MPP7: variants seen among roughly 807,000 people sequenced by gnomAD.
MPP7 encodes the protein MAGUK p55 scaffold protein 7, also known as MAGUK p55 subfamily member 7.
In MPP7, 60 loss-of-function variants were observed where a neutral mutation model predicts 76.5. The observed-to-expected ratio is 0.78, with a 90% CI of 0.64 to 0.97. MPP7 has a LOEUF of 0.97. Among genes scored for constraint, MPP7 ranks in the 50% least tolerant of loss-of-function variants. MPP7 has a pLI of 0.00. For missense variants in MPP7, 641 were observed against 694.0 expected (o/e 0.92, Z 0.86); for synonymous variants, 237 against 244.5 (o/e 0.97, Z 0.29).
chr10:28,112,873 A>G (rs1834547668), intron 11 of MPP7, among the ~76,000 whole-genome samples: 1 of 152,120 alleles, frequency 6.6e-6, no homozygotes, highest in Admixed American at 6.6e-5. Flanking sequence ...AATTCTCATA[A>G]TTTTATGTTG....
intron 1 of MPP7, among the ~76,000 whole-genome samples, chr10:28,247,345 T>C (rs1208435313): frequency 3.3e-5 from 5 of 152,206 alleles, no homozygotes; most frequent in African/African-American, 7.2e-5. Context: ...CGTTTGTAAA[T>C]AATTATGTCA....
At chr10:28,289,455 C>T (rs1003380715) in intron 1 of MPP7, 2 of 152,342 alleles carry the variant, frequency 1.3e-5, no homozygotes, top group East Asian at 1.9e-4. Context: ...GCCTTTTTAA[C>T]AGACTGGTAA....
chr10:28,304,966 T>C (rs1370776967), upstream of MPP7, among the ~76,000 whole-genome samples: 1 of 151,650 alleles, frequency 6.6e-6, no homozygotes, highest in South Asian at 2.1e-4. Context: ...AGATGGACAA[T>C]GATCCAATAA....
intron 13 of MPP7, among the ~76,000 whole-genome samples, chr10:28,067,666 G>A (rs965501455): frequency 1.3e-4 from 20 of 152,238 alleles, no homozygotes; most frequent in Admixed American, 4.6e-4. Flanking sequence ...GGTAAATTGA[G>A]GCTAAAGTAT....
In MPP7 at chr10:28,052,536, A is replaced by G. The variant is rs979004881; in HGVS notation, c.*1529T>C. On this transcript the variant is annotated 3_prime_UTR_variant, in exon 17 of 17. Transcript: ENST00000683449. ...TAATGCTATCAAATGTGCAGTGCAC[A>G]GATCGCACACTTGGATCTATCTTTG... 1.3e-5 allele frequency: 2 copies of G among 152,680 alleles called. No individual in the cohort carries two copies. The highest frequency in any genetic ancestry group is 2.9e-5 in the Non-Finnish European group (2 of 68,038). 9.5% of individuals were successfully genotyped at this position (152,680 alleles called of 1,614,324 possible).
intron 2 of MPP7, among the ~76,000 whole-genome samples, chr10:28,215,987 A>T (rs1838295883): frequency 6.7e-6 from 1 of 148,392 alleles, no homozygotes; most frequent in African/African-American, 2.4e-5. Context: ...AATAGGCAAT[A>T]AAGACAGGCA....
At chr10:28,297,821 A>C (rs1589038885) in intron 1 of MPP7, among the ~76,000 whole-genome samples, 2 of 152,216 alleles carry the variant, frequency 1.3e-5, no homozygotes. Context: ...ATCCTATCAT[A>C]CCCTGCCACT....
At chr10:28,312,671 G>A (rs956742710) in intron 2 of MPP7, among the ~76,000 whole-genome samples, 2 of 152,150 alleles carry the variant, frequency 1.3e-5, no homozygotes, top group African/African-American at 2.4e-5. Context: ...TGATGGAAAC[G>A]TTGAGAAAAA....
intron 13 of MPP7, among the ~76,000 whole-genome samples, chr10:28,066,235 A>G (rs940445338): frequency 2.6e-5 from 4 of 152,196 alleles, no homozygotes; most frequent in African/African-American, 7.2e-5. Flanking sequence ...CTTCCCACAG[A>G]GGAGCAAAAG....
intron 11 of MPP7, among the ~76,000 whole-genome samples, chr10:28,117,545 CA>C (rs1374137314): frequency 1.3e-5 from 2 of 151,980 alleles, no homozygotes; most frequent in African/African-American, 4.8e-5. Flanking sequence ...CCCTAAGTAC[CA>C]AATATTGAAA....
At chr10:28,109,660 A>T (rs918472694) in intron 11 of MPP7, among the ~76,000 whole-genome samples, 21 of 151,790 alleles carry the variant, frequency 1.4e-4, no homozygotes, top group Admixed American at 1.1e-3. Flanking sequence ...CTCATTTCAG[A>T]TAAAACGAGG....
chr10:28,160,882 C>A lies in MPP7; in HGVS notation c.157-10823G>T, dbSNP rs149534796. On this transcript the variant is annotated intron_variant, in intron 3 of 16. Transcript: ENST00000683449. ...CTGAAAAGTAGCTTTGGGGAAAAAA[C>A]TAGTATATTTTTAAAGAGTTCACTT... Among the ~76,000 whole-genome samples, 16 of 152,206 alleles carry A rather than the reference C, an allele frequency of 1.1e-4. No homozygotes were observed. The East Asian group carries it at 3.1e-3, about 29-fold the overall frequency.
chr10:28,179,981 C>T (rs1287276618), intron 3 of MPP7, among the ~76,000 whole-genome samples: 2 of 152,136 alleles, frequency 1.3e-5, no homozygotes, highest in African/African-American at 4.8e-5. Context: ...GAAAGCAATT[C>T]TAGATGCTAT....
At chr10:28,088,979 G>A (rs550786127) in intron 12 of MPP7, among the ~76,000 whole-genome samples, 122 of 152,268 alleles carry the variant, frequency 8.0e-4, no homozygotes, top group Admixed American at 4.5e-3. Context: ...AGGTTCAAGG[G>A]ATTCTTCTGC....
intron 3 of MPP7, among the ~76,000 whole-genome samples, chr10:28,159,358 C>T (rs1315121785): frequency 7.9e-5 from 12 of 152,046 alleles, no homozygotes; most frequent in Admixed American, 7.9e-4. Flanking sequence ...ATTTGTAATA[C>T]TGAAAATAAA....
chr10:28,085,276 G>C (rs1192588600), intron 12 of MPP7, among the ~76,000 whole-genome samples: 1 of 152,108 alleles, frequency 6.6e-6, no homozygotes, highest in Non-Finnish European at 1.5e-5. Context: ...CTGTGCTTCA[G>C]TTTCTTCATC....
chr10:28,301,774 A>T (rs1043416564), intron 1 of MPP7, among the ~76,000 whole-genome samples: 22 of 152,154 alleles, frequency 1.4e-4, no homozygotes, highest in African/African-American at 5.1e-4. Context: ...TTAAATGGAA[A>T]TACTGTTTTT....
At chr10:28,145,815 T>C (rs949109806) in intron 5 of MPP7, among the ~76,000 whole-genome samples, 1 of 152,154 alleles carries the variant, frequency 6.6e-6, no homozygotes, top group Non-Finnish European at 1.5e-5. Flanking sequence ...CCTAAAATAT[T>C]TTCCACATAA....
chr10:28,066,019 T>C (rs919481744), intron 13 of MPP7, among the ~76,000 whole-genome samples: 2 of 152,228 alleles, frequency 1.3e-5, no homozygotes, highest in African/African-American at 4.8e-5. Context: ...TTCAGATTTA[T>C]TGATGATAAC....
Sources: gnomAD v4.1 joint callset for allele counts (sites outside exome capture counted in the v4.1 genomes callset) on GRCh38, gnomAD v4.1.1 for gene constraint, MANE v1.5 for transcripts, NCBI Gene and HGNC (gene_info 2026-07-23, HGNC 2026-07-21) for gene names.